Variants in RBFOX1 observed in about 807,000 individuals in gnomAD.
The protein encoded by RBFOX1 is RNA binding fox-1 homolog 1.
In RBFOX1, 8 loss-of-function variants were observed where a neutral mutation model predicts 57.7. The ratio of observed to expected loss-of-function variants is 0.14; its 90% CI spans 0.08 to 0.25. The LOEUF (loss-of-function observed/expected upper bound fraction) is 0.25. RBFOX1 is among the 10% of genes least tolerant of loss of function. The pLI is 1.00. For missense variants in RBFOX1, 611 were observed against 548.5 expected (o/e 1.11, Z -1.14); for synonymous variants, 326 against 222.4 (o/e 1.47, Z -4.15).
At chr16:6,886,093 C>G (rs1332697315) in intron 3 of RBFOX1, among the ~76,000 whole-genome samples, 1 of 145,492 alleles carries the variant, frequency 6.9e-6, no homozygotes, top group East Asian at 2.1e-4. Flanking sequence ...GACGGAGTCT[C>G]GCTCTGTCAC....
chr16:6,751,853 C>G (rs2074987099), intron 3 of RBFOX1, among the ~76,000 whole-genome samples: 2 of 152,170 alleles, frequency 1.3e-5, no homozygotes, highest in Non-Finnish European at 2.9e-5. Flanking sequence ...CAATCTTGGA[C>G]TTACATAATT....
intron 5 of RBFOX1, among the ~76,000 whole-genome samples, chr16:7,559,870 T>C (rs1310254620): frequency 1.3e-5 from 2 of 152,202 alleles, no homozygotes; most frequent in East Asian, 3.9e-4. Context: ...CCTTTAGGGA[T>C]GAAGTAACAT....
chr16:6,908,921 C>G (rs1011639862), intron 3 of RBFOX1, among the ~76,000 whole-genome samples: 2 of 152,120 alleles, frequency 1.3e-5, no homozygotes, highest in East Asian at 1.9e-4. Context: ...ACTGCAGCTG[C>G]TAGGATAATT....
chr16:7,122,025 A>C (rs1315671758), intron 4 of RBFOX1, among the ~76,000 whole-genome samples: 1 of 152,090 alleles, frequency 6.6e-6, no homozygotes, highest in Non-Finnish European at 1.5e-5. Flanking sequence ...CATAGATCTA[A>C]ATATAAAACG....
At chr16:6,539,129 A>AAG (rs1435920345) in intron 2 of RBFOX1, among the ~76,000 whole-genome samples, 1 of 151,800 alleles carries the variant, frequency 6.6e-6, no homozygotes, top group Non-Finnish European at 1.5e-5. Context: ...TTGGTGAAAA[A>AAG]AAAAAAGAAA....
rs140098900 is a variant in RBFOX1, at chr16:6,869,670, C to G, written c.-15-182387C>G. On this transcript the variant is annotated intron_variant, in intron 3 of 15. Transcript: ENST00000550418. ...TTAGAACTAGGATTTTTACCCTTCT[C>G]AAAACAAATTCTAGGACACACATTC... Among the ~76,000 whole-genome samples the G allele has an allele frequency of 3.7e-3, 557 of 152,304 alleles. 4 individuals are homozygous for G. The highest frequency in any genetic ancestry group is 3.5e-3 in the Non-Finnish European group (241 of 68,036).
chr16:5,584,746 C>A (rs1028966209), intron 2 of RBFOX1, among the ~76,000 whole-genome samples: 1 of 152,080 alleles, frequency 6.6e-6, no homozygotes. Flanking sequence ...GCACCGGGGA[C>A]TGTAGTTCTG....
In RBFOX1 at chr16:6,193,429, A is replaced by T. The variant is rs866074614; in HGVS notation, c.-126-123566A>T. Among the ~76,000 whole-genome samples the T allele has an allele frequency of 5.7e-3, 361 of 63,286 alleles. 5 individuals are homozygous for T. Among genetic ancestry groups the T allele is most frequent in the Middle Eastern group, 0.011 (1 of 94 alleles). The allele number at this position is 63,286 out of a possible 152,430, so 41.5% of individuals were successfully genotyped here. A position where few individuals can be genotyped will look rare whatever the true frequency, so the allele number is the denominator to read the frequency against. On this transcript the variant is annotated intron_variant, in intron 1 of 15. Coordinates refer to ENST00000550418, the MANE Select transcript of RBFOX1 (RefSeq NM_018723.4). ...ATATATATATATATATATATATAAA[A>T]TTCAGTGAGAAGGTTAGTAGGAAAT... is the stretch of plus-strand genomic sequence containing the variant.
intron 13 of RBFOX1, among the ~76,000 whole-genome samples, chr16:7,665,192 C>G (rs1227466493): frequency 6.6e-6 from 1 of 152,152 alleles, no homozygotes; most frequent in Non-Finnish European, 1.5e-5. Context: ...CGATCAACTT[C>G]AGAACGAATG....
intron 3 of RBFOX1, among the ~76,000 whole-genome samples, chr16:6,665,552 G>A (rs2098726805): frequency 6.6e-6 from 1 of 151,778 alleles, no homozygotes; most frequent in African/African-American, 2.4e-5. Flanking sequence ...TTAAACCTGG[G>A]AGGCGGTGAT....
chr16:7,480,272 C>T (rs75611547), intron 4 of RBFOX1, among the ~76,000 whole-genome samples: 183 of 152,308 alleles, frequency 1.2e-3, no homozygotes, highest in African/African-American at 4.3e-3. Flanking sequence ...AGAGCAAGGA[C>T]AGATCTGACA....
At chr16:7,088,245 A>G (rs547655336) in intron 4 of RBFOX1, among the ~76,000 whole-genome samples, 1 of 152,316 alleles carries the variant, frequency 6.6e-6, no homozygotes, top group African/African-American at 2.4e-5. Context: ...AGCAAATCCT[A>G]CATCACTTGT....
intron 1 of RBFOX1, among the ~76,000 whole-genome samples, chr16:6,160,057 C>G (rs1032600549): frequency 1.6e-4 from 24 of 152,074 alleles, no homozygotes; most frequent in African/African-American, 5.3e-4. Context: ...GATGCTTATG[C>G]CTTATTGAGG....
chr16:6,105,213 T>G (rs2096364132), intron 1 of RBFOX1, among the ~76,000 whole-genome samples: 1 of 152,214 alleles, frequency 6.6e-6, no homozygotes, highest in South Asian at 2.1e-4. Context: ...GTTACTGTTT[T>G]GGAGAATATG....
intron 2 of RBFOX1, among the ~76,000 whole-genome samples, chr16:6,565,214 A>T (rs1011200730): frequency 2.6e-5 from 4 of 151,496 alleles, no homozygotes; most frequent in Non-Finnish European, 4.4e-5. Flanking sequence ...GACAAAGTAC[A>T]AATAGCCATA....
intron 3 of RBFOX1, among the ~76,000 whole-genome samples, chr16:6,965,472 G>A (rs1030771425): frequency 2.4e-4 from 37 of 152,044 alleles, no homozygotes; most frequent in Admixed American, 2.4e-3. Context: ...CAGTAGCTGG[G>A]ATTACAGGCG....
intron 12 of RBFOX1, among the ~76,000 whole-genome samples, chr16:7,656,370 CAGGAGATGGCA>C (rs1321231060): frequency 1.3e-5 from 2 of 152,056 alleles, no homozygotes; most frequent in Non-Finnish European, 2.9e-5. Context: ...GATTAGGTTG[CAGGAGATGGCA>C]AGGGGATGGC....
rs368367809 is a variant in RBFOX1 at position 6,623,773 on chromosome 16, C to G, written c.-63-30830C>G. Among the ~76,000 whole-genome samples, 646 of 152,266 alleles carry G rather than the reference C, an allele frequency of 4.2e-3. 9 individuals are homozygous for G. The highest frequency in any genetic ancestry group is 0.014 in the African/African-American group (595 of 41,548). On this transcript the variant is annotated intron_variant, in intron 2 of 15. Coordinates refer to ENST00000550418, the MANE Select transcript of RBFOX1 (RefSeq NM_018723.4). ...TCCATGTCCCTACAAAGGATATGAA[C>G]TCATCCTTTTTTATGGCTGCATAGT...
At chr16:5,383,525 A>C (rs1023478955) in intron 1 of RBFOX1, among the ~76,000 whole-genome samples, 4 of 152,202 alleles carry the variant, frequency 2.6e-5, no homozygotes, top group African/African-American at 9.7e-5. Flanking sequence ...AAAGACATAG[A>C]ATATTCAGAG....
Sources: gnomAD v4.1 joint callset for allele counts (sites outside exome capture counted in the v4.1 genomes callset) on GRCh38, gnomAD v4.1.1 for gene constraint, MANE v1.5 for transcripts, NCBI Gene and HGNC (gene_info 2026-07-23, HGNC 2026-07-21) for gene names.